Variants in TTC6 observed in about 807,000 individuals in gnomAD.
TTC6 encodes the protein tetratricopeptide repeat protein 6.
In TTC6, 172 loss-of-function variants were observed where a neutral mutation model predicts 210.4. That is an observed-to-expected ratio of 0.82 (90% CI 0.72 to 0.93). TTC6 has a LOEUF of 0.93. Among genes scored for constraint, TTC6 ranks in the 40% least tolerant of loss-of-function variants. The pLI is 0.00. For synonymous variants in TTC6, 804 were observed against 819.6 expected, an observed-to-expected ratio of 0.98 and a Z score of 0.32; for missense variants, 2,414 against 2,318.1, an observed-to-expected ratio of 1.04 and a Z score of -0.85.
intron 3 of TTC6, among the ~76,000 whole-genome samples, chr14:37,688,407 C>T (rs533189951): frequency 6.6e-6 from 1 of 152,244 alleles, no homozygotes; most frequent in East Asian, 1.9e-4. Context: ...GGTTTTGCCA[C>T]CTGCTGATCG....
rs201390891 is a variant in TTC6, at chr14:37,726,567, AT to A, written c.1818+1574del. Among the ~76,000 whole-genome samples, 734 of 150,744 alleles carry A rather than the reference AT, an allele frequency of 4.9e-3. 2 individuals carry two copies. The highest frequency in any genetic ancestry group is 6.1e-3 in the East Asian group (31 of 5,114). On this transcript the variant is annotated intron_variant, in intron 7 of 30. Transcript: ENST00000553443. ...CATGGGTGAAATATCTGTGTAGTGTATTTTTTTTTCCCTTTGTTGGACTTTG... is the reference window on the plus strand; with the variant it reads ...CATGGGTGAAATATCTGTGTAGTGTATTTTTTTTCCCTTTGTTGGACTTTG...
At chr14:37,790,593 A>G (rs2096077171) in intron 15 of TTC6, 124 bp from the exon 18 acceptor site, 1 of 757,658 alleles carries the variant, frequency 1.3e-6, no homozygotes, top group Non-Finnish European at 2.1e-6. Context: ...CATCATAGAT[A>G]TGTTTCTATT....
intron 14 of TTC6, among the ~76,000 whole-genome samples, chr14:37,783,379 A>G (rs1387736493): frequency 6.6e-6 from 1 of 152,016 alleles, no homozygotes; most frequent in Admixed American, 6.6e-5. Flanking sequence ...GTGTCCAGGA[A>G]TTTATCCAAT....
At chr14:37,628,101 G>A (rs975873319) in intron 1 of TTC6, among the ~76,000 whole-genome samples, 1 of 152,152 alleles carries the variant, frequency 6.6e-6, no homozygotes, top group African/African-American at 2.4e-5. Flanking sequence ...CTCCTGAGTA[G>A]CTGGAATTGC....
At chr14:37,826,566 A>G (rs1398688529) in intron 28 of TTC6, among the ~76,000 whole-genome samples, 1 of 152,110 alleles carries the variant, frequency 6.6e-6, no homozygotes, top group Non-Finnish European at 1.5e-5. Flanking sequence ...ATAAATGTTG[A>G]TCACTTTCAG....
chr14:37,737,500 C>T (rs1315175620), intron 8 of TTC6, among the ~76,000 whole-genome samples, 160 bp from the exon 11 acceptor site: 1 of 152,086 alleles, frequency 6.6e-6, no homozygotes, highest in Non-Finnish European at 1.5e-5. Flanking sequence ...TTCTCTTCCT[C>T]TATATAAAGT....
At chr14:37,826,468 A>ATT (rs1053534259) in intron 28 of TTC6, 121 bp downstream of exon 30, 6 of 923,652 alleles carry the variant, frequency 6.5e-6, no homozygotes, top group Non-Finnish European at 8.8e-6. Flanking sequence ...AATGTTTTGT[A>ATT]TTTTTTTTTA....
At chr14:37,719,480 T>C (rs1231570814) in intron 6 of TTC6, among the ~76,000 whole-genome samples, 1 of 152,128 alleles carries the variant, frequency 6.6e-6, no homozygotes, top group African/African-American at 2.4e-5. Flanking sequence ...ATTAAGATGG[T>C]GTGGTCTTGG....
chr14:37,806,217 G>C (rs1328282838), intron 21 of TTC6, 144 bp from the exon 24 acceptor site: 1 of 795,522 alleles, frequency 1.3e-6, no homozygotes, highest in Non-Finnish European at 1.9e-6. Context: ...TGTTCCATGA[G>C]GTCCATTAGG....
At chr14:37,781,391 A>T (rs1299207680) in intron 14 of TTC6, among the ~76,000 whole-genome samples, 5 of 152,056 alleles carry the variant, frequency 3.3e-5, no homozygotes, top group African/African-American at 1.2e-4. Context: ...GATGATGAGC[A>T]TTTTTTCATA....
chr14:37,792,291 T>G, exon 17 of TTC6: 2 of 1,524,652 alleles, frequency 1.3e-6, no homozygotes, highest in East Asian at 2.5e-5. Context: ...ATGTAAATAT[T>G]GGCCTCATAC....
chr14:37,822,133 G>A (rs748245877), intron 26 of TTC6, among the ~76,000 whole-genome samples: 1 of 152,056 alleles, frequency 6.6e-6, no homozygotes, highest in East Asian at 1.9e-4. Flanking sequence ...CTCAGGCTGT[G>A]TTCTGCAGAA....
At chr14:37,812,289 C>A (rs2096131224) in intron 24 of TTC6, 25 bp from the exon 27 acceptor site, 1 of 1,603,464 alleles carries the variant, frequency 6.2e-7, no homozygotes, top group South Asian at 1.1e-5. Flanking sequence ...AAAGTTGAAT[C>A]TATGTTACAA....
chr14:37,626,807 A>T (rs2095661106), intron 1 of TTC6, among the ~76,000 whole-genome samples: 1 of 152,248 alleles, frequency 6.6e-6, no homozygotes, highest in Non-Finnish European at 1.5e-5. Flanking sequence ...GCCTAGCAAG[A>T]CAAAAAATTT....
At chr14:37,660,292 G>C (rs776032028) in intron 1 of TTC6, among the ~76,000 whole-genome samples, 8 of 151,756 alleles carry the variant, frequency 5.3e-5, no homozygotes, top group African/African-American at 1.9e-4. Flanking sequence ...GTAGGTAAAC[G>C]TGTGCCACAG....
intron 20 of TTC6, 47 bp downstream of exon 22, chr14:37,796,994 T>A: frequency 6.7e-7 from 1 of 1,494,626 alleles, no homozygotes; most frequent in Non-Finnish European, 8.9e-7. Context: ...TAATGAAGTG[T>A]ATATATTGTG....
exon 15 of TTC6, chr14:37,787,484 G>A (rs908150255): frequency 1.4e-5 from 22 of 1,527,162 alleles, no homozygotes; most frequent in African/African-American, 4.1e-5. Flanking sequence ...CCGAGGGATT[G>A]CATATGTTAA....
rs1185271170 is a variant in TTC6, at chr14:37,622,505, AC to A, written c.444del (p.Val149TrpfsTer11). 6.5e-7 allele frequency: 1 copy of A among 1,535,060 alleles called. No homozygotes were observed. The highest frequency in any genetic ancestry group is 8.7e-7 in the Non-Finnish European group (1 of 1,146,556). ...TCGCCTCGGGGTTCGGCACGGCCAG[AC>A]CCGTGGTCCTGCTGCCTCCGCCCGA... On this transcript the variant is annotated frameshift_variant, in exon 1 of 31. Coordinates refer to ENST00000553443, the Ensembl canonical transcript of TTC6. LOFTEE classifies it high-confidence loss of function.
Position 37,682,752 on chromosome 14 carries a change from C to A in TTC6, c.1051-6C>A. The A allele has an allele frequency of 6.5e-7, 1 of 1,534,386 alleles. No homozygotes were observed. Among genetic ancestry groups the A allele is most frequent in the Non-Finnish European group, 8.7e-7 (1 of 1,146,126 alleles). ...AGCATTCTTGCACATTTACTTTTTCCAACAGAGCGTGCATAAGGAACTTTC... is the reference window on the plus strand; with the variant it reads ...AGCATTCTTGCACATTTACTTTTTCAAACAGAGCGTGCATAAGGAACTTTC... On this transcript the variant is annotated splice_region_variant and splice_polypyrimidine_tract_variant and intron_variant, in intron 2 of 30. Coordinates refer to ENST00000553443, the Ensembl canonical transcript of TTC6.
Sources: allele counts gnomAD v4.1 joint callset (sites outside exome capture counted in the v4.1 genomes callset), GRCh38; gene constraint gnomAD v4.1.1; transcripts MANE v1.5; gene names NCBI Gene and HGNC (gene_info 2026-07-23, HGNC 2026-07-21).